Variants in SPATA6 observed in about 807,000 individuals in gnomAD.
SPATA6 encodes spermatogenesis associated 6.
A neutral mutation model predicts 65.3 loss-of-function variants in SPATA6; 56 were observed. That is an observed-to-expected ratio of 0.86 (90% CI 0.69 to 1.07). The LOEUF (loss-of-function observed/expected upper bound fraction) is 1.07, where lower values mean the gene tolerates loss of function less well. Ranked by LOEUF, SPATA6 falls within the 50% of genes least tolerant of loss-of-function variation. SPATA6 has a pLI of 0.00. For missense variants in SPATA6, 590 were observed against 594.8 expected, an observed-to-expected ratio of 0.99 and a Z score of 0.08; for synonymous variants, 199 against 213.2, an observed-to-expected ratio of 0.93 and a Z score of 0.58.
At chr1:48,282,348 C>T in the SPATA6 span, among the ~76,000 whole-genome samples, 1 of 152,214 alleles carries the variant, frequency 6.6e-6, no homozygotes, top group South Asian at 2.1e-4. Context: ...TCTAATTAAA[C>T]TAAAGAGCTT....
intron 3 of SPATA6, among the ~76,000 whole-genome samples, chr1:48,428,279 A>G (rs1570543729): frequency 6.6e-6 from 1 of 152,056 alleles, no homozygotes; most frequent in Non-Finnish European, 1.5e-5. Context: ...ACATGGAGAA[A>G]CCCCGTCTCT....
At chr1:48,388,218 T>C (rs938800058) in intron 8 of SPATA6, among the ~76,000 whole-genome samples, 2 of 151,892 alleles carry the variant, frequency 1.3e-5, no homozygotes, top group African/African-American at 4.8e-5. Flanking sequence ...AAGTCTCAGA[T>C]ACCACGGATG....
chr1:48,324,087 C>G (rs1645683680), intron 11 of SPATA6, among the ~76,000 whole-genome samples: 1 of 151,960 alleles, frequency 6.6e-6, no homozygotes, highest in African/African-American at 2.4e-5. Flanking sequence ...GTAGCTAGGA[C>G]AACAGATGTA....
the SPATA6 span, among the ~76,000 whole-genome samples, chr1:48,286,413 C>G: frequency 6.6e-6 from 1 of 152,084 alleles, no homozygotes; most frequent in South Asian, 2.1e-4. Flanking sequence ...GTATTTTACT[C>G]TTTTTGTTGC....
intron 3 of SPATA6, among the ~76,000 whole-genome samples, chr1:48,431,122 T>C (rs1378810159): frequency 6.6e-6 from 1 of 152,044 alleles, no homozygotes; most frequent in Non-Finnish European, 1.5e-5. Flanking sequence ...GGGGTGGTTA[T>C]ACTAATATCA....
intron 11 of SPATA6, among the ~76,000 whole-genome samples, chr1:48,333,212 A>G (rs1051691673): frequency 1.3e-5 from 2 of 152,206 alleles, no homozygotes; most frequent in African/African-American, 4.8e-5. Flanking sequence ...ATGAAGGTAG[A>G]AGAAGCTGAT....
chr1:48,422,773 T>C (rs1653466505), intron 3 of SPATA6, among the ~76,000 whole-genome samples: 1 of 152,190 alleles, frequency 6.6e-6, no homozygotes, highest in Non-Finnish European at 1.5e-5. Flanking sequence ...AATGGTACAG[T>C]TAATTTTGGG....
chr1:48,415,708 G>A (rs570759809), intron 3 of SPATA6, among the ~76,000 whole-genome samples: 3 of 149,692 alleles, frequency 2.0e-5, no homozygotes, highest in African/African-American at 2.4e-5. Context: ...ATAAATACAC[G>A]TGATGAGAAT....
chr1:48,434,259 GAAAAAAA>G (rs530291772), intron 3 of SPATA6, among the ~76,000 whole-genome samples: 1 of 109,916 alleles, frequency 9.1e-6, no homozygotes, highest in South Asian at 2.8e-4. Flanking sequence ...AGCAGTGAAA[GAAAAAAA>G]AAAAAAAAAA....
chr1:48,303,412 T>C lies in SPATA6; in HGVS notation c.1286+2375A>G, dbSNP rs533801601. Among the ~76,000 whole-genome samples the C allele has an allele frequency of 4.6e-5, 7 of 152,168 alleles. No homozygotes were observed. In the East Asian group the frequency reaches 1.2e-3, roughly 25 times the overall value. ...ATTTTTCTACTCATTAACCAACCTC[T>C]CTTCACCCTCTATTCCCTCCTCCCC... is the stretch of plus-strand genomic sequence containing the variant. On this transcript the variant is annotated intron_variant, in intron 12 of 12. Coordinates refer to ENST00000371847, the MANE Select transcript of SPATA6 (RefSeq NM_019073.4).
intron 1 of SPATA6, among the ~76,000 whole-genome samples, chr1:48,466,361 T>C (rs539521874): frequency 2.0e-5 from 3 of 152,044 alleles, no homozygotes; most frequent in Admixed American, 1.3e-4. Flanking sequence ...GAAGGATACA[T>C]ACAAGTAAGA....
chr1:48,321,444 T>C (rs1645596489), intron 11 of SPATA6, among the ~76,000 whole-genome samples: 1 of 152,128 alleles, frequency 6.6e-6, no homozygotes. Flanking sequence ...CACTATATAA[T>C]GATAAAGCAA....
At chr1:48,322,468 A>T (rs1307743612) in intron 11 of SPATA6, among the ~76,000 whole-genome samples, 1 of 152,200 alleles carries the variant, frequency 6.6e-6, no homozygotes, top group Non-Finnish European at 1.5e-5. Flanking sequence ...TAAAAACCCT[A>T]GAGGAAAACC....
intron 1 of SPATA6, among the ~76,000 whole-genome samples, chr1:48,454,706 T>C (rs1206744209): frequency 2.6e-5 from 4 of 152,158 alleles, no homozygotes; most frequent in Non-Finnish European, 2.9e-5. Flanking sequence ...AGAAAAAGCA[T>C]AGAGATTATC....
chr1:48,305,048 A>G (rs188091838), intron 12 of SPATA6, among the ~76,000 whole-genome samples: 34 of 152,286 alleles, frequency 2.2e-4, no homozygotes, highest in Non-Finnish European at 3.8e-4. Context: ...AAAGGAAGTC[A>G]CACTCCCACT....
At chr1:48,444,495 C>T (rs546924151) in intron 3 of SPATA6, among the ~76,000 whole-genome samples, 2 of 152,036 alleles carry the variant, frequency 1.3e-5, no homozygotes, top group South Asian at 2.1e-4. Flanking sequence ...TACCAATCAG[C>T]GCTCTGTGTC....
chr1:48,309,095 G>C (rs540712578), intron 11 of SPATA6, among the ~76,000 whole-genome samples: 21 of 151,650 alleles, frequency 1.4e-4, no homozygotes, highest in African/African-American at 4.8e-4. Flanking sequence ...TCTCAAGTGT[G>C]GATCTATTTG....
chr1:48,325,414 C>A (rs1645727899), intron 11 of SPATA6: 2 of 1,353,436 alleles, frequency 1.5e-6, no homozygotes, highest in Non-Finnish European at 2.1e-6. Flanking sequence ...GGGCCCTCCC[C>A]CAGCTTCTTC....
intron 3 of SPATA6, among the ~76,000 whole-genome samples, chr1:48,444,100 G>GTT (rs1447632089): frequency 6.6e-6 from 1 of 152,214 alleles, no homozygotes; most frequent in Non-Finnish European, 1.5e-5. Flanking sequence ...GGGACTGAGA[G>GTT]GTGAAGCCAG....
Sources: gnomAD v4.1 joint callset for allele counts (sites outside exome capture counted in the v4.1 genomes callset) on GRCh38, gnomAD v4.1.1 for gene constraint, MANE v1.5 for transcripts, NCBI Gene and HGNC (gene_info 2026-07-23, HGNC 2026-07-21) for gene names.